Variants in CELF1 observed in about 807,000 individuals in gnomAD.
CELF1 encodes CUGBP Elav-like family member 1, also known as 50 kDa nuclear polyadenylated RNA-binding protein.
CELF1 carries 10 observed loss-of-function variants against 61.8 expected under a neutral mutation model. That is an observed-to-expected ratio of 0.16 (90% CI 0.10 to 0.27). CELF1 has a LOEUF of 0.27. CELF1 is among the 10% of genes least tolerant of loss of function. The pLI, the probability that CELF1 is intolerant of heterozygous loss-of-function variation, is 1.00. For missense variants in CELF1, 380 were observed against 639.1 expected, an observed-to-expected ratio of 0.59 and a Z score of 4.37; for synonymous variants, 236 against 225.1, an observed-to-expected ratio of 1.05 and a Z score of -0.43.
chr11:47,485,391 AAAC>A (rs1262455581), intron 6 of CELF1, among the ~76,000 whole-genome samples: 2 of 151,988 alleles, frequency 1.3e-5, no homozygotes, highest in African/African-American at 2.4e-5. Context: ...GGCTGGTCTC[AAAC>A]TCCTGGGCTT....
chr11:47,552,332 G>A (rs1019231858), intron 1 of CELF1, among the ~76,000 whole-genome samples: 7 of 152,278 alleles, frequency 4.6e-5, no homozygotes, highest in Middle Eastern at 3.4e-3. Context: ...CGACACCACT[G>A]GCTTTAAAAT....
chr11:47,554,663 GT>G (rs35866451), upstream of CELF1, among the ~76,000 whole-genome samples: 44 of 142,300 alleles, frequency 3.1e-4, no homozygotes, highest in Admixed American at 5.7e-4. Context: ...ATCTAACACA[GT>G]TTTTTTTTTT....
At chr11:47,504,599 C>T (rs2094307254) in intron 1 of CELF1, among the ~76,000 whole-genome samples, 2 of 150,156 alleles carry the variant, frequency 1.3e-5, no homozygotes, top group South Asian at 4.2e-4. Context: ...ATAAATAAAA[C>T]ATAAAAAACC....
chr11:47,499,305 A>G lies in CELF1; in HGVS notation c.71+148T>C, dbSNP rs2093607053. On this transcript the variant is annotated intron_variant, in intron 3 of 14. Transcript: ENST00000687097. The stretch of plus-strand genomic sequence containing the variant: ...AGTAATGAGACAGACTACAATTGAA[A>G]ATAATAGCATGAGAGAATTCAGGTT... The G allele has an allele frequency of 4.8e-6, 3 of 623,870 alleles. No individual in the cohort carries two copies. In the East Asian group the frequency reaches 8.3e-5, roughly 17 times the overall value. 38.6% of individuals were successfully genotyped at this position (623,870 alleles called of 1,614,324 possible).
At chr11:47,526,919 C>T (rs2096264540) in intron 1 of CELF1, among the ~76,000 whole-genome samples, 1 of 152,012 alleles carries the variant, frequency 6.6e-6, no homozygotes, top group East Asian at 1.9e-4. Context: ...GGCGTGGGGG[C>T]GCGTGCCTGT....
intron 1 of CELF1, among the ~76,000 whole-genome samples, chr11:47,534,085 G>A (rs1377586897): frequency 8.0e-6 from 1 of 124,286 alleles, no homozygotes; most frequent in Non-Finnish European, 1.6e-5. Context: ...CTGAAGTACA[G>A]TGACACAATC....
intron 1 of CELF1, among the ~76,000 whole-genome samples, chr11:47,518,230 C>A (rs773569022): frequency 1.9e-4 from 29 of 152,182 alleles, no homozygotes; most frequent in Non-Finnish European, 2.8e-4. Context: ...TTACATCACA[C>A]CATTTTAAAT....
At chr11:47,509,014 C>A (rs113558455) in intron 1 of CELF1, among the ~76,000 whole-genome samples, 2,415 of 152,268 alleles carry the variant, frequency 0.016, 50 homozygotes, top group African/African-American at 0.048. Context: ...GGGGATCCGC[C>A]CACCTCCGCC....
chr11:47,539,411 G>A (rs191026243), intron 1 of CELF1, among the ~76,000 whole-genome samples: 4 of 152,268 alleles, frequency 2.6e-5, no homozygotes, highest in Admixed American at 2.6e-4. Context: ...CGGCACTTTG[G>A]GAGGCCGATG....
rs147687123 is a variant in CELF1, at chr11:47,472,542, A to G, written c.1418-185T>C. Among the ~76,000 whole-genome samples, 99 of 152,294 alleles carry G rather than the reference A, an allele frequency of 6.5e-4. 1 individual carries two copies. The highest frequency in any genetic ancestry group is 2.3e-3 in the African/African-American group (97 of 41,560). On this transcript the variant is annotated intron_variant, in intron 14 of 14. Transcript: ENST00000687097. The stretch of plus-strand genomic sequence containing the variant: ...CTTAATAGTACCACTTAACAGCTAC[A>G]TGGTAATTTAAAGGTTTTTTTCTTT...
chr11:47,560,920 C>T (rs749397272), intron 2 of CELF1, among the ~76,000 whole-genome samples: 7 of 152,118 alleles, frequency 4.6e-5, no homozygotes, highest in African/African-American at 9.7e-5. Context: ...GGACAGATCA[C>T]GAGGTCAGGA....
intron 1 of CELF1, among the ~76,000 whole-genome samples, chr11:47,534,464 T>C (rs2096579201): frequency 6.6e-6 from 1 of 150,386 alleles, no homozygotes; most frequent in South Asian, 2.2e-4. Context: ...CCATGGCTCA[T>C]GCCTGTAATC....
chr11:47,477,162 T>A, intron 11 of CELF1, 135 bp downstream of exon 11: 1 of 1,039,194 alleles, frequency 9.6e-7, no homozygotes, highest in South Asian at 1.5e-5. Flanking sequence ...AAAGATGACA[T>A]TTGAAAATTT....
Position 47,501,827 on chromosome 11 carries a change from CA to C in CELF1, c.-153-896del, listed in dbSNP as rs1482812221. On this transcript the variant is annotated intron_variant, in intron 1 of 14. Transcript: ENST00000687097. The stretch of plus-strand genomic sequence containing the variant: ...GACAGTAAGACTCCGTCTCCCCCAC[CA>C]AAAAAAAATCCTTTAAAAAGGATTC... Among the ~76,000 whole-genome samples, 8 of 150,380 alleles carry C rather than the reference CA, an allele frequency of 5.3e-5. No homozygotes were observed. The South Asian group carries it at 1.7e-3, about 32-fold the overall frequency.
At chr11:47,553,445 G>A (rs1283646845), upstream of CELF1, among the ~76,000 whole-genome samples, 2 of 152,190 alleles carry the variant, frequency 1.3e-5, no homozygotes, top group African/African-American at 4.8e-5. Context: ...TCTCGACTCC[G>A]CCCATCGCAC....
intron 1 of CELF1, among the ~76,000 whole-genome samples, chr11:47,545,196 G>T (rs113397202): frequency 0.082 from 12,548 of 152,108 alleles, 1,449 homozygotes; most frequent in African/African-American, 0.26. Context: ...TTGGGAAGCC[G>T]AGGTGGGCGG....
intron 9 of CELF1, among the ~76,000 whole-genome samples, chr11:47,480,190 G>A (rs919838768): frequency 6.6e-6 from 1 of 151,446 alleles, no homozygotes; most frequent in South Asian, 2.1e-4. Context: ...AGGTTCAAGC[G>A]ATTCTCCTGC....
At chr11:47,480,023 T>C (rs1419767943) in intron 9 of CELF1, among the ~76,000 whole-genome samples, 1 of 151,052 alleles carries the variant, frequency 6.6e-6, no homozygotes, top group East Asian at 1.9e-4. Flanking sequence ...GTCCACATAG[T>C]CCAGAAAGAA....
At chr11:47,563,767 T>C (rs1386830079) in intron 2 of CELF1, among the ~76,000 whole-genome samples, 2 of 152,184 alleles carry the variant, frequency 1.3e-5, no homozygotes, top group African/African-American at 2.4e-5. Flanking sequence ...ATGCCTGTAA[T>C]CCCGGCACTT....
Sources: allele counts gnomAD v4.1 joint callset (sites outside exome capture counted in the v4.1 genomes callset), GRCh38; gene constraint gnomAD v4.1.1; transcripts MANE v1.5; gene names NCBI Gene and HGNC (gene_info 2026-07-23, HGNC 2026-07-21).